Variants in ADAMTS17 observed in about 807,000 individuals in gnomAD.
The protein encoded by ADAMTS17 is ADAM metallopeptidase with thrombospondin type 1 motif 17.
A neutral mutation model predicts 141.5 loss-of-function variants in ADAMTS17; 113 were observed. The ratio of observed to expected loss-of-function variants is 0.80; its 90% CI spans 0.69 to 0.93. The LOEUF (loss-of-function observed/expected upper bound fraction) is 0.93, where lower values mean the gene tolerates loss of function less well. Among genes scored for constraint, ADAMTS17 ranks in the 40% least tolerant of loss-of-function variants. The pLI is 0.00. For synonymous variants in ADAMTS17, 768 were observed against 630.6 expected, an observed-to-expected ratio of 1.22 and a Z score of -3.27; for missense variants, 1,659 against 1,517.9, an observed-to-expected ratio of 1.09 and a Z score of -1.54.
At chr15:100,025,568 C>T (rs56182014) in intron 18 of ADAMTS17, among the ~76,000 whole-genome samples, 19 of 152,068 alleles carry the variant, frequency 1.2e-4, no homozygotes, top group Non-Finnish European at 2.2e-4. Flanking sequence ...CTCGCCACCA[C>T]GCCCAGCTAA....
chr15:100,110,427 G>T (rs1596461279), intron 13 of ADAMTS17, among the ~76,000 whole-genome samples: 2 of 151,464 alleles, frequency 1.3e-5, no homozygotes, highest in Non-Finnish European at 2.9e-5. Context: ...ACCATGCCTG[G>T]CTAATTTTTT....
rs962309056 is a variant in ADAMTS17 at position 99,973,501 on chromosome 15, C to G, written c.*901G>C. 6.6e-5 allele frequency: 10 copies of G among 152,260 alleles called. No individual in the cohort carries two copies. Among genetic ancestry groups the G allele is most frequent in the Non-Finnish European group, 1.3e-4 (9 of 68,078 alleles). 9.4% of individuals were successfully genotyped at this position (152,260 alleles called of 1,614,324 possible). On this transcript the variant is annotated 3_prime_UTR_variant, in exon 22 of 22. Coordinates refer to ENST00000268070, the MANE Select transcript of ADAMTS17 (RefSeq NM_139057.4). ...CTAAGGTACAAAGCTTTAGGAAGTGCAGGCCAGAGTGGATGTTCCCGGAAG... is the reference window on the plus strand; with the variant it reads ...CTAAGGTACAAAGCTTTAGGAAGTGGAGGCCAGAGTGGATGTTCCCGGAAG...
intron 10 of ADAMTS17, among the ~76,000 whole-genome samples, chr15:100,146,958 C>A (rs765985537): frequency 2.2e-4 from 34 of 152,194 alleles, no homozygotes; most frequent in Non-Finnish European, 4.3e-4. Context: ...TTATCAATGA[C>A]AGTGGTGCCC....
chr15:100,299,309 C>T (rs1051995482), intron 3 of ADAMTS17, among the ~76,000 whole-genome samples: 7 of 151,512 alleles, frequency 4.6e-5, no homozygotes, highest in East Asian at 1.9e-4. Context: ...TGTGTGTAAC[C>T]GCCGTCAGGA....
intron 7 of ADAMTS17, among the ~76,000 whole-genome samples, chr15:100,242,406 G>A (rs1596345378): frequency 6.6e-6 from 1 of 152,206 alleles, no homozygotes; most frequent in South Asian, 2.1e-4. Flanking sequence ...TCTGGCCCTG[G>A]AGTTTAAGCC....
intron 18 of ADAMTS17, among the ~76,000 whole-genome samples, chr15:99,999,237 C>T (rs1023331262): frequency 2.0e-4 from 30 of 152,232 alleles, no homozygotes; most frequent in Middle Eastern, 3.4e-3. Context: ...CCATATATAG[C>T]CACTGAACCA....
At chr15:100,092,544 C>T (rs753669183) in intron 15 of ADAMTS17, among the ~76,000 whole-genome samples, 5 of 152,180 alleles carry the variant, frequency 3.3e-5, no homozygotes, top group South Asian at 2.1e-4. Flanking sequence ...GCACATTTTA[C>T]GATTCTTCAT....
intron 6 of ADAMTS17, 32 bp from the exon 7 acceptor site, chr15:100,254,211 T>C (rs745439630): frequency 5.6e-6 from 9 of 1,594,214 alleles, no homozygotes; most frequent in Admixed American, 5.0e-5. Context: ...ATCAGGTATA[T>C]GCAGTATCCC....
chr15:100,207,172 AAAG>A (rs2041604831), intron 7 of ADAMTS17, among the ~76,000 whole-genome samples: 1 of 152,098 alleles, frequency 6.6e-6, no homozygotes, highest in Non-Finnish European at 1.5e-5. Flanking sequence ...GTCCTTATAA[AAAG>A]AAGAAGAGAC....
chr15:100,083,803 C>A (rs971877275), intron 15 of ADAMTS17, among the ~76,000 whole-genome samples: 1 of 150,868 alleles, frequency 6.6e-6, no homozygotes, highest in African/African-American at 2.4e-5. Context: ...GCTGGCATGC[C>A]AGAGCAGCTG....
rs779931450 is a variant in ADAMTS17 at position 100,051,462 on chromosome 15, T to A, written c.2455+110A>T. ...TCGGTGGGATATGGTTAAATTCCCA[T>A]GGAGCTACAGGTTGCAGATGTCTCA... On this transcript the variant is annotated intron_variant, in intron 17 of 21. Coordinates refer to ENST00000268070, the MANE Select transcript of ADAMTS17 (RefSeq NM_139057.4). 4.0e-6 allele frequency: 6 copies of A among 1,483,304 alleles called. No homozygotes were observed. The African/African-American group carries it at 6.9e-5, about 17-fold the overall frequency. 91.9% of individuals were successfully genotyped at this position (1,483,304 alleles called of 1,614,324 possible).
Position 100,111,214 on chromosome 15 carries a change from A to C in ADAMTS17, c.1889-2098T>G, listed in dbSNP as rs191443486. Among the ~76,000 whole-genome samples the C allele has an allele frequency of 1.2e-3, 182 of 152,314 alleles. 1 individual carries two copies. The highest frequency in any genetic ancestry group is 0.011 in the Admixed American group (173 of 15,304). On this transcript the variant is annotated intron_variant, in intron 13 of 21. Coordinates refer to ENST00000268070, the MANE Select transcript of ADAMTS17 (RefSeq NM_139057.4). ...ACTTCCGGGGAAAGACAGACACGTGATGTTTGCTTCTGAAGGCCCCAGTGG... is the reference window on the plus strand; with the variant it reads ...ACTTCCGGGGAAAGACAGACACGTGCTGTTTGCTTCTGAAGGCCCCAGTGG...
At chr15:100,117,667 G>A (rs567637003) in intron 12 of ADAMTS17, among the ~76,000 whole-genome samples, 101 of 152,214 alleles carry the variant, frequency 6.6e-4, no homozygotes, top group African/African-American at 2.3e-3. Flanking sequence ...TGTGTTCACT[G>A]GCCAAGTCCA....
intron 7 of ADAMTS17, among the ~76,000 whole-genome samples, chr15:100,247,486 C>T (rs900250191): frequency 3.9e-5 from 6 of 152,102 alleles, no homozygotes; most frequent in African/African-American, 1.4e-4. Context: ...TCACTTGTGA[C>T]GGAAATTCCC....
intron 15 of ADAMTS17, among the ~76,000 whole-genome samples, chr15:100,090,956 C>T (rs963410422): frequency 1.3e-4 from 19 of 144,236 alleles, no homozygotes; most frequent in Non-Finnish European, 2.8e-4. Context: ...TGCAATGAGC[C>T]GAGATCGTGC....
chr15:99,974,967 C>G (rs1228343923), intron 21 of ADAMTS17, among the ~76,000 whole-genome samples: 1 of 152,178 alleles, frequency 6.6e-6, no homozygotes, highest in African/African-American at 2.4e-5. Context: ...ATACAAGTGG[C>G]CCAAATATCC....
intron 4 of ADAMTS17, among the ~76,000 whole-genome samples, chr15:100,267,481 T>A (rs899074917): frequency 1.3e-5 from 2 of 152,204 alleles, no homozygotes; most frequent in African/African-American, 4.8e-5. Context: ...TTTTAATTCA[T>A]TTCTTTTTTT....
At position 99,997,467 on chromosome 15, in the gene ADAMTS17, C is replaced by A. The variant is rs368855635; in HGVS notation, c.2714G>T (p.Cys905Phe). 2 of 1,613,464 alleles carry A rather than the reference C, an allele frequency of 1.2e-6. No homozygotes were observed. The highest frequency in any genetic ancestry group is 2.7e-5 in the African/African-American group (2 of 74,928). ...CACTGCCGCCGGCCGGGGGCCCGGG[C>A]AGTAGAGGGGCCGCGTAGCGACGTG... ...GTHVATRPLY[C>F]PGPRPAAVQS... The change falls in exon 19 of 22, where the codon TGC (cysteine) becomes TTC (phenylalanine). Residue 905 changes from cysteine to phenylalanine, a missense_variant. By Grantham distance (205) the Cys-to-Phe change is radical (BLOSUM62 -2). Transcript: ENST00000268070. This position sits in a 1 kb window ranked among gnomAD's most constrained non-coding sequence, Gnocchi z 4.7.
intron 7 of ADAMTS17, among the ~76,000 whole-genome samples, chr15:100,205,870 G>A (rs140864094): frequency 3.1e-3 from 469 of 152,292 alleles, no homozygotes; most frequent in African/African-American, 4.5e-3. Flanking sequence ...CTGAAGGGTG[G>A]GCGCCGCGGT....
Sources: gnomAD v4.1 joint callset for allele counts (sites outside exome capture counted in the v4.1 genomes callset) on GRCh38, gnomAD v4.1.1 for gene constraint, Gnocchi (gnomAD v3.1) non-coding constraint, MANE v1.5 for transcripts, NCBI Gene and HGNC (gene_info 2026-07-23, HGNC 2026-07-21) for gene names.